GBE1: variants seen among roughly 807,000 people sequenced by gnomAD.
GBE1 encodes the protein 1,4-alpha-glucan-branching enzyme.
A neutral mutation model predicts 88.8 loss-of-function variants in GBE1; 70 were observed. The observed-to-expected ratio is 0.79, with a 90% CI of 0.65 to 0.96. The LOEUF (loss-of-function observed/expected upper bound fraction) is 0.96, where lower values mean the gene tolerates loss of function less well. Among genes scored for constraint, GBE1 ranks in the 40% least tolerant of loss-of-function variants. The probability of loss-of-function intolerance (pLI) is 0.00; values close to 1 mark genes in which losing one functional copy is unlikely to be tolerated. For missense variants in GBE1, 872 were observed against 871.0 expected (o/e 1.00, Z -0.01); for synonymous variants, 284 against 300.1 (o/e 0.95, Z 0.56).
intron 7 of GBE1, among the ~76,000 whole-genome samples, chr3:81,611,608 C>T (rs1166299867): frequency 6.6e-6 from 1 of 152,110 alleles, no homozygotes; most frequent in East Asian, 1.9e-4. Context: ...CTTACAAGAT[C>T]AGTTTCATCT....
intron 1 of GBE1, among the ~76,000 whole-genome samples, chr3:81,730,085 A>C (rs1251386403): frequency 1.3e-5 from 2 of 152,128 alleles, no homozygotes; most frequent in African/African-American, 4.8e-5. Context: ...ATCCTTTGTC[A>C]ATTGCTGTGT....
intron 7 of GBE1, among the ~76,000 whole-genome samples, chr3:81,624,720 T>G (rs961878347): frequency 6.6e-6 from 1 of 152,030 alleles, no homozygotes; most frequent in Non-Finnish European, 1.5e-5. Flanking sequence ...TTTGAGCCAG[T>G]TCATATCTAT....
chr3:81,628,849 C>G (rs373052159), intron 7 of GBE1, among the ~76,000 whole-genome samples: 1 of 131,512 alleles, frequency 7.6e-6, no homozygotes, highest in Non-Finnish European at 1.6e-5. Context: ...TTTTATACAA[C>G]TAAATCATTC....
intron 1 of GBE1, among the ~76,000 whole-genome samples, chr3:81,751,227 C>T (rs935518038): frequency 6.6e-6 from 1 of 152,088 alleles, no homozygotes; most frequent in African/African-American, 2.4e-5. Flanking sequence ...CAGTAGAATG[C>T]CTGGATCCTG....
rs1703799830 is a variant in GBE1, at chr3:81,586,105, T to C, written c.1322A>G (p.Asp441Gly). 4 of 1,605,014 alleles carry C rather than the reference T, an allele frequency of 2.5e-6. No individual in the cohort carries two copies. The highest frequency in any genetic ancestry group is 1.7e-4 in the Middle Eastern group (1 of 6,052). ...FDYRLAMAIP[D>G]KWIQLLKEFK... ...ATGGACTCTTACCTGAATCCACTTA[T>C]CTGGAATTGCCATGGCTAGTCGATA... Residue 441 changes from aspartate to glycine, a missense_variant, in exon 10 of 16, where the codon GAT becomes GGT. By Grantham distance (94) the Asp-to-Gly change is moderately conservative. Coordinates refer to ENST00000429644, the MANE Select transcript of GBE1 (RefSeq NM_000158.4).
At chr3:81,552,507 G>C (rs1437857283) in intron 12 of GBE1, among the ~76,000 whole-genome samples, 2 of 128,770 alleles carry the variant, frequency 1.6e-5, no homozygotes, top group Non-Finnish European at 3.1e-5. Flanking sequence ...ACAGAGCAAG[G>C]CTCTATCTTA....
intron 15 of GBE1, among the ~76,000 whole-genome samples, chr3:81,497,152 G>A (rs779995852): frequency 7.9e-5 from 12 of 152,174 alleles, no homozygotes; most frequent in Non-Finnish European, 1.8e-4. Context: ...GCCACTTGTT[G>A]GTTGGCTTGT....
At chr3:81,570,470 G>A (rs902302974) in intron 12 of GBE1, among the ~76,000 whole-genome samples, 1 of 152,226 alleles carries the variant, frequency 6.6e-6, no homozygotes, top group Non-Finnish European at 1.5e-5. Flanking sequence ...AGAGGGAGAA[G>A]ATGAAGGTTG....
At chr3:81,694,508 G>T (rs1705565902) in intron 2 of GBE1, among the ~76,000 whole-genome samples, 1 of 152,092 alleles carries the variant, frequency 6.6e-6, no homozygotes, top group Non-Finnish European at 1.5e-5. Context: ...CCAGCTCCCC[G>T]CCTCCTTCTA....
chr3:81,599,310 G>T (rs1704000606), intron 7 of GBE1, among the ~76,000 whole-genome samples: 1 of 152,074 alleles, frequency 6.6e-6, no homozygotes, highest in African/African-American at 2.4e-5. Context: ...TAAAGTGTGT[G>T]TGTGTGCTTG....
rs2106872059 is a variant in GBE1 at position 81,536,932 on chromosome 3, A to G, written c.1782T>C (p.Tyr594=). The G allele has an allele frequency of 2.5e-6, 4 of 1,585,168 alleles. No homozygotes were observed. The highest frequency in any genetic ancestry group is 2.6e-6 in the Non-Finnish European group (3 of 1,167,854). ...DRDMNRLEER[Y]GWLAAPQAYV... is the part of the protein sequence containing the mutation. The stretch of plus-strand genomic sequence containing the variant: ...TTACCTGTGGAGCTGCAAGCCAACC[A>G]TATCTTTCTTCCAATCTATTCATAT... The change falls in exon 13 of 16, where the codon TAT becomes TAC. Residue 594 remains tyrosine (Y), a synonymous_variant. Transcript: ENST00000429644.
rs1007984339 is a variant in GBE1, at chr3:81,627,071, G to A, written c.992+15710C>T. 6.6e-5 allele frequency among the ~76,000 whole-genome samples: 10 copies of A among 152,060 alleles called. 1 individual carries two copies. The highest frequency in any genetic ancestry group is 5.9e-5 in the Non-Finnish European group (4 of 68,006). On this transcript the variant is annotated intron_variant, in intron 7 of 15. Transcript: ENST00000429644. ...AACCTGGATGCCATTGTTATTTCGTGAATGAAGTGAAACACCATTTTCTAT... is the reference window on the plus strand; with the variant it reads ...AACCTGGATGCCATTGTTATTTCGTAAATGAAGTGAAACACCATTTTCTAT...
At chr3:81,625,580 G>C (rs1013123499) in intron 7 of GBE1, among the ~76,000 whole-genome samples, 2 of 152,070 alleles carry the variant, frequency 1.3e-5, no homozygotes, top group Admixed American at 1.3e-4. Flanking sequence ...AAAGACTGCA[G>C]GCATGCACCA....
At chr3:81,702,281 C>G (rs557330680) in intron 2 of GBE1, among the ~76,000 whole-genome samples, 30 of 151,662 alleles carry the variant, frequency 2.0e-4, no homozygotes, top group African/African-American at 7.3e-4. Context: ...TACAAAGAAA[C>G]CTTCTAAATG....
intron 14 of GBE1, among the ~76,000 whole-genome samples, chr3:81,522,086 A>G (rs1052641236): frequency 3.3e-5 from 5 of 151,420 alleles, no homozygotes; most frequent in African/African-American, 1.2e-4. Context: ...GGGAGATGCA[A>G]TGGTAAGAGG....
chr3:81,702,122 T>A (rs4101527), intron 2 of GBE1, among the ~76,000 whole-genome samples: 58,175 of 137,208 alleles, frequency 0.42, 13,186 homozygotes, highest in East Asian at 0.46. Flanking sequence ...TGTGTGTGTG[T>A]GTGTGTGTGT....
intron 7 of GBE1, among the ~76,000 whole-genome samples, chr3:81,608,026 C>G (rs944095281): frequency 2.6e-5 from 4 of 152,092 alleles, no homozygotes; most frequent in Non-Finnish European, 5.9e-5. Flanking sequence ...GTGTATTAAC[C>G]CCACAAGTCC....
chr3:81,686,585 C>G (rs1446723708), intron 2 of GBE1, among the ~76,000 whole-genome samples: 3 of 151,994 alleles, frequency 2.0e-5, no homozygotes, highest in South Asian at 2.1e-4. Flanking sequence ...GGAGAAACCC[C>G]ATCTCTCCTA....
rs1347664692 is a variant in GBE1, at chr3:81,722,915, T to TATATATAC, written c.144-17303_144-17302insGTATATAT. Among the ~76,000 whole-genome samples, 588 of 145,428 alleles carry TATATATAC rather than the reference T, an allele frequency of 4.0e-3. 2 individuals are homozygous for TATATATAC. The highest frequency in any genetic ancestry group is 0.014 in the African/African-American group (557 of 40,062). On this transcript the variant is annotated intron_variant, in intron 1 of 15. Coordinates refer to ENST00000429644, the MANE Select transcript of GBE1 (RefSeq NM_000158.4). ...GTGTGTGTATATATATATATATATA[T>TATATATAC]ACACACAAGTAAATATATATGTACT...
Sources: gnomAD v4.1 joint callset for allele counts (sites outside exome capture counted in the v4.1 genomes callset) on GRCh38, gnomAD v4.1.1 for gene constraint, MANE v1.5 for transcripts, NCBI Gene and HGNC (gene_info 2026-07-23, HGNC 2026-07-21) for gene names.